LMX1A: variants seen among roughly 807,000 people sequenced by gnomAD.
LMX1A encodes LIM homeobox transcription factor 1-alpha.
Under a neutral mutation model 49.1 loss-of-function variants are expected in LMX1A, and 15 were observed. The observed-to-expected ratio is 0.31, with a 90% CI of 0.20 to 0.47. The LOEUF (loss-of-function observed/expected upper bound fraction) is 0.47. Among genes scored for constraint, LMX1A ranks in the 20% least tolerant of loss-of-function variants. The probability of loss-of-function intolerance (pLI) is 1.00; values close to 1 mark genes in which losing one functional copy is unlikely to be tolerated. For synonymous variants in LMX1A, 167 were observed against 185.7 expected (o/e 0.90, Z 0.82); for missense variants, 372 against 475.8 (o/e 0.78, Z 2.03).
chr1:165,292,019 G>A (rs572172238), intron 3 of LMX1A, among the ~76,000 whole-genome samples: 4 of 134,452 alleles, frequency 3.0e-5, no homozygotes, highest in Non-Finnish European at 4.6e-5. Context: ...TCGAGATCGC[G>A]CCACTGCACT....
intron 4 of LMX1A, among the ~76,000 whole-genome samples, chr1:165,215,664 G>A (rs1292634044): frequency 1.3e-5 from 2 of 152,184 alleles, no homozygotes; most frequent in African/African-American, 2.4e-5. Flanking sequence ...AAGGATAATG[G>A]CTTCTTCCTT....
At chr1:165,322,382 T>C (rs1001862018) in intron 3 of LMX1A, among the ~76,000 whole-genome samples, 1 of 152,176 alleles carries the variant, frequency 6.6e-6, no homozygotes, top group Non-Finnish European at 1.5e-5. Flanking sequence ...AAAATCTTCA[T>C]AGCAGCATTG....
At chr1:165,254,780 GA>G (rs1653180109) in intron 3 of LMX1A, among the ~76,000 whole-genome samples, 1 of 152,204 alleles carries the variant, frequency 6.6e-6, no homozygotes, top group South Asian at 2.1e-4. Flanking sequence ...TGAGGGTTCA[GA>G]GCCTGGCAGC....
At chr1:165,291,791 C>T (rs56820548) in intron 3 of LMX1A, among the ~76,000 whole-genome samples, 49,981 of 151,956 alleles carry the variant, frequency 0.33, 8,463 homozygotes, top group African/African-American at 0.38. Context: ...CGGCCGGGCG[C>T]GGTGGCTCAC....
chr1:165,302,455 TAAA>T (rs1429269662), intron 3 of LMX1A, among the ~76,000 whole-genome samples: 3 of 150,696 alleles, frequency 2.0e-5, no homozygotes, highest in African/African-American at 7.3e-5. Flanking sequence ...AAAAATAAAA[TAAA>T]ATAAAGGAAA....
intron 3 of LMX1A, among the ~76,000 whole-genome samples, chr1:165,311,369 G>A (rs1002272518): frequency 3.3e-5 from 5 of 152,186 alleles, no homozygotes; most frequent in Non-Finnish European, 7.3e-5. Flanking sequence ...GTGACAAGAA[G>A]CCTCCTCTCA....
intron 3 of LMX1A, among the ~76,000 whole-genome samples, chr1:165,274,788 C>G (rs1381359720): frequency 1.3e-5 from 2 of 152,190 alleles, no homozygotes; most frequent in Non-Finnish European, 2.9e-5. Flanking sequence ...AGGTGAAACA[C>G]TGGTGGGAAC....
chr1:165,351,167 A>AT (rs5778446), intron 3 of LMX1A, among the ~76,000 whole-genome samples: 33,182 of 149,976 alleles, frequency 0.22, 3,799 homozygotes, highest in African/African-American at 0.28. Flanking sequence ...TTGATTCGTG[A>AT]TTTTTTTTTT....
At chr1:165,349,575 C>A (rs749712316) in intron 3 of LMX1A, among the ~76,000 whole-genome samples, 3 of 152,080 alleles carry the variant, frequency 2.0e-5, no homozygotes, top group African/African-American at 7.2e-5. Flanking sequence ...TTCTTAATTT[C>A]TATACATTAG....
intron 3 of LMX1A, among the ~76,000 whole-genome samples, chr1:165,314,736 G>C (rs934440701): frequency 6.6e-6 from 1 of 152,106 alleles, no homozygotes; most frequent in African/African-American, 2.4e-5. Context: ...CTAGGGTCCA[G>C]CATCTCTCTT....
At chr1:165,243,461 A>G (rs769335799) in intron 4 of LMX1A, among the ~76,000 whole-genome samples, 53 of 152,364 alleles carry the variant, frequency 3.5e-4, no homozygotes, top group Admixed American at 5.9e-4. Flanking sequence ...GCTGGTTCAA[A>G]CCACATAAGG....
intron 3 of LMX1A, among the ~76,000 whole-genome samples, chr1:165,309,149 C>G (rs1416380282): frequency 6.6e-6 from 1 of 152,164 alleles, no homozygotes; most frequent in Admixed American, 6.5e-5. Context: ...CCGAGATACC[C>G]TGACAGAGTG....
chr1:165,340,009 T>G, intron 3 of LMX1A, among the ~76,000 whole-genome samples: 1 of 152,098 alleles, frequency 6.6e-6, no homozygotes, highest in East Asian at 1.9e-4. Flanking sequence ...CTTGAAAGAG[T>G]GGCCACATCA....
intron 3 of LMX1A, among the ~76,000 whole-genome samples, chr1:165,321,790 C>T (rs891964386): frequency 1.3e-5 from 2 of 151,890 alleles, no homozygotes; most frequent in Non-Finnish European, 2.9e-5. Context: ...TTTTCTGCAT[C>T]GAAAGACACA....
chr1:165,230,082 G>A (rs1311031297), intron 4 of LMX1A, among the ~76,000 whole-genome samples: 1 of 152,194 alleles, frequency 6.6e-6, no homozygotes, highest in African/African-American at 2.4e-5. Flanking sequence ...CCACTTGAGA[G>A]CACAAGGAAA....
At chr1:165,265,211 A>G (rs1653586254) in intron 3 of LMX1A, among the ~76,000 whole-genome samples, 1 of 151,798 alleles carries the variant, frequency 6.6e-6, no homozygotes. Context: ...CTCAAAAAAA[A>G]AAAAAAAGAA....
intron 3 of LMX1A, among the ~76,000 whole-genome samples, chr1:165,326,716 C>G (rs1055724616): frequency 6.6e-6 from 1 of 152,186 alleles, no homozygotes; most frequent in African/African-American, 2.4e-5. Flanking sequence ...CCTCTTCATC[C>G]TGTTTCCTGT....
intron 3 of LMX1A, among the ~76,000 whole-genome samples, chr1:165,295,095 G>C (rs942503496): frequency 1.4e-4 from 22 of 152,038 alleles, no homozygotes; most frequent in African/African-American, 5.3e-4. Flanking sequence ...TTCAGTACCT[G>C]TATTATATGG....
chr1:165,261,433 T>G (rs992106741), intron 3 of LMX1A, among the ~76,000 whole-genome samples: 1 of 152,134 alleles, frequency 6.6e-6, no homozygotes, highest in Non-Finnish European at 1.5e-5. Flanking sequence ...TTGTGCATTG[T>G]TAGTGGGAAT....
Sources: allele counts gnomAD v4.1 joint callset (sites outside exome capture counted in the v4.1 genomes callset), GRCh38; gene constraint gnomAD v4.1.1; transcripts MANE v1.5; gene names NCBI Gene and HGNC (gene_info 2026-07-23, HGNC 2026-07-21).